Variants in MAPKAP1 observed in about 807,000 individuals in gnomAD.
MAPKAP1 encodes target of rapamycin complex 2 subunit MAPKAP1.
MAPKAP1 carries 20 observed loss-of-function variants against 65.7 expected under a neutral mutation model. The observed-to-expected ratio is 0.30, with a 90% CI of 0.21 to 0.44. The LOEUF (loss-of-function observed/expected upper bound fraction) is 0.44, where lower values mean the gene tolerates loss of function less well. MAPKAP1 is among the 20% of genes least tolerant of loss of function. The probability of loss-of-function intolerance (pLI) is 1.00; values close to 1 mark genes in which losing one functional copy is unlikely to be tolerated. For synonymous variants in MAPKAP1, 222 were observed against 244.3 expected, an observed-to-expected ratio of 0.91 and a Z score of 0.85; for missense variants, 423 against 648.0, an observed-to-expected ratio of 0.65 and a Z score of 3.77.
chr9:125,605,761 GA>G (rs1832422816), intron 4 of MAPKAP1, among the ~76,000 whole-genome samples: 3 of 152,232 alleles, frequency 2.0e-5, no homozygotes, highest in Admixed American at 2.0e-4. Flanking sequence ...CACCCTAAAG[GA>G]AACAATGGAA....
At chr9:125,510,172 T>C (rs182151886) in intron 7 of MAPKAP1, among the ~76,000 whole-genome samples, 2 of 152,044 alleles carry the variant, frequency 1.3e-5, no homozygotes, top group Admixed American at 6.5e-5. Context: ...ATCACAAAGG[T>C]AAAAAGTAGG....
At chr9:125,494,018 C>A (rs1185406219) in intron 8 of MAPKAP1, among the ~76,000 whole-genome samples, 1 of 152,118 alleles carries the variant, frequency 6.6e-6, no homozygotes, top group African/African-American at 2.4e-5. Flanking sequence ...CTAAGGAGAA[C>A]ACAGTCACGC....
intron 4 of MAPKAP1, among the ~76,000 whole-genome samples, chr9:125,631,231 C>A (rs1423855982): frequency 6.6e-6 from 1 of 152,194 alleles, no homozygotes; most frequent in Non-Finnish European, 1.5e-5. Flanking sequence ...GGTGCAGATG[C>A]CCAATCTCGA....
Position 125,585,620 on chromosome 9 carries a change from C to T in MAPKAP1, c.606G>A (p.Arg202=). The T allele has an allele frequency of 6.2e-7, 1 of 1,614,238 alleles. No homozygotes were observed. Among genetic ancestry groups the T allele is most frequent in the South Asian group, 1.1e-5 (1 of 91,080 alleles). The part of the protein sequence containing the change: ...PMTVVTMASA[R]VQDLIGLICW... ...AGATGAGCCCGATCAGGTCCTGCAC[C>T]CTGGCGCTGGCCATTGTCACCACGG... The change falls in exon 5 of 12, where the codon AGG becomes AGA. Residue 202 remains arginine (R), a synonymous_variant. Transcript: ENST00000265960.
At chr9:125,679,308 G>A (rs975223976) in intron 1 of MAPKAP1, among the ~76,000 whole-genome samples, 12 of 152,134 alleles carry the variant, frequency 7.9e-5, no homozygotes, top group South Asian at 6.2e-4. Context: ...AGCTGAACAC[G>A]ACTTTTTAAA....
intron 1 of MAPKAP1, among the ~76,000 whole-genome samples, chr9:125,697,297 C>T (rs1030537587): frequency 3.3e-5 from 5 of 152,218 alleles, no homozygotes; most frequent in African/African-American, 1.2e-4. Context: ...ATGATGGTCA[C>T]TGACTCTACT....
chr9:125,641,643 C>T (rs1166826032), intron 4 of MAPKAP1, among the ~76,000 whole-genome samples: 1 of 152,164 alleles, frequency 6.6e-6, no homozygotes, highest in Admixed American at 6.5e-5. Context: ...CAGCAGCTCA[C>T]ACCTGTAATC....
At chr9:125,563,666 T>C (rs1193848193) in intron 5 of MAPKAP1, among the ~76,000 whole-genome samples, 1 of 152,080 alleles carries the variant, frequency 6.6e-6, no homozygotes, top group East Asian at 1.9e-4. Context: ...AAGATATGAA[T>C]GTGTAGACTC....
chr9:125,544,902 G>C (rs1029960738), intron 6 of MAPKAP1, among the ~76,000 whole-genome samples: 4 of 152,204 alleles, frequency 2.6e-5, no homozygotes, highest in Admixed American at 6.5e-5. Flanking sequence ...GGGGCTGGGG[G>C]CCGATCTCAA....
At chr9:125,608,980 T>G (rs1358201179) in intron 4 of MAPKAP1, among the ~76,000 whole-genome samples, 1 of 152,182 alleles carries the variant, frequency 6.6e-6, no homozygotes, top group Non-Finnish European at 1.5e-5. Flanking sequence ...TTTCCAATAC[T>G]GCCCTACAGT....
intron 7 of MAPKAP1, among the ~76,000 whole-genome samples, chr9:125,508,702 T>A (rs1829214694): frequency 6.6e-6 from 1 of 152,028 alleles, no homozygotes; most frequent in South Asian, 2.1e-4. Flanking sequence ...AAAATTTTTT[T>A]AAATTAGCTG....
intron 4 of MAPKAP1, among the ~76,000 whole-genome samples, chr9:125,608,156 T>C (rs1367745227): frequency 6.6e-6 from 1 of 152,196 alleles, no homozygotes; most frequent in Non-Finnish European, 1.5e-5. Context: ...AAAAAAAGAA[T>C]AGTAGCAGAC....
intron 10 of MAPKAP1, among the ~76,000 whole-genome samples, chr9:125,461,756 G>C (rs571522997): frequency 6.6e-6 from 1 of 152,308 alleles, no homozygotes; most frequent in East Asian, 1.9e-4. Flanking sequence ...ATAAGCCCTT[G>C]TTAGAGAATA....
At chr9:125,575,508 C>T (rs1204068390) in intron 5 of MAPKAP1, among the ~76,000 whole-genome samples, 1 of 152,150 alleles carries the variant, frequency 6.6e-6, no homozygotes, top group South Asian at 2.1e-4. Flanking sequence ...TGTATTGTTA[C>T]ACACTGGACT....
chr9:125,494,147 CCATCA>C (rs975636437), intron 8 of MAPKAP1, among the ~76,000 whole-genome samples: 4 of 152,174 alleles, frequency 2.6e-5, no homozygotes, highest in Non-Finnish European at 5.9e-5. Flanking sequence ...CGCTCTGCAT[CCATCA>C]CATTTTTTTT....
At chr9:125,699,804 A>G (rs1009388637) in intron 1 of MAPKAP1, among the ~76,000 whole-genome samples, 1 of 151,962 alleles carries the variant, frequency 6.6e-6, no homozygotes, top group African/African-American at 2.4e-5. Flanking sequence ...TTGTAGAGAC[A>G]GGGTTTCATT....
chr9:125,694,592 G>A (rs1835328424), intron 1 of MAPKAP1, among the ~76,000 whole-genome samples: 1 of 152,082 alleles, frequency 6.6e-6, no homozygotes, highest in African/African-American at 2.4e-5. Context: ...TATGGAAATC[G>A]TTTTCCCCGC....
At chr9:125,625,290 GAATTTACATTCCAAAATGTAA>G (rs1217141890) in intron 4 of MAPKAP1, among the ~76,000 whole-genome samples, 1 of 106,438 alleles carries the variant, frequency 9.4e-6, no homozygotes, top group African/African-American at 3.8e-5. Flanking sequence ...ACAAGGGAGA[GAATTTACATTCCAAAATGTAA>G]AATTTTGATT....
At chr9:125,586,905 C>A (rs1831805341) in intron 4 of MAPKAP1, among the ~76,000 whole-genome samples, 1 of 152,222 alleles carries the variant, frequency 6.6e-6, no homozygotes, top group Non-Finnish European at 1.5e-5. Flanking sequence ...ACTAAGCCAG[C>A]TGCTCATCTC....
Sources: allele counts gnomAD v4.1 joint callset (sites outside exome capture counted in the v4.1 genomes callset), GRCh38; gene constraint gnomAD v4.1.1; transcripts MANE v1.5; gene names NCBI Gene and HGNC (gene_info 2026-07-23, HGNC 2026-07-21).